Variants in TBC1D5 observed in about 807,000 individuals in gnomAD.
TBC1D5 encodes TBC1 domain family member 5, also known as TBC1 domain family, member 5.
A neutral mutation model predicts 100.3 loss-of-function variants in TBC1D5; 75 were observed. The observed-to-expected ratio is 0.75, with a 90% CI of 0.62 to 0.91. The LOEUF (loss-of-function observed/expected upper bound fraction) is 0.91. Ranked by LOEUF, TBC1D5 falls within the 40% of genes least tolerant of loss-of-function variation. The pLI is 0.00. For missense variants in TBC1D5, 910 were observed against 942.4 expected (o/e 0.97, Z 0.45); for synonymous variants, 323 against 325.6 (o/e 0.99, Z 0.09).
At chr3:17,205,930 T>A (rs2072117665) in intron 18 of TBC1D5, among the ~76,000 whole-genome samples, 1 of 152,226 alleles carries the variant, frequency 6.6e-6, no homozygotes, top group African/African-American at 2.4e-5. Context: ...ATTTCAGGAC[T>A]CTTGTTATGT....
rs548629429 is a variant in TBC1D5 at position 17,161,610 on chromosome 3, T to C, written c.2095-354A>G. Among the ~76,000 whole-genome samples, 48 of 152,394 alleles carry C rather than the reference T, an allele frequency of 3.1e-4. 1 individual carries two copies. In the South Asian group the frequency reaches 9.5e-3, roughly 30 times the overall value. ...GCAGGCAGAATCCCTACCAGCGTCA[T>C]GTGGGACCCTGCCATGCAAATCACC... On this transcript the variant is annotated intron_variant, in intron 21 of 21. Coordinates refer to ENST00000253692, the Ensembl canonical transcript of TBC1D5.
chr3:17,321,987 T>C (rs1313619891), intron 13 of TBC1D5, among the ~76,000 whole-genome samples: 5 of 152,242 alleles, frequency 3.3e-5, no homozygotes, highest in African/African-American at 4.8e-5. Context: ...TGATTTACCA[T>C]GAATTACGAG....
At chr3:17,706,149 TTGA>T in intron 1 of TBC1D5, 1 of 1,591,102 alleles carries the variant, frequency 6.3e-7, no homozygotes, top group Non-Finnish European at 8.5e-7. Flanking sequence ...AAGGCTGCAG[TTGA>T]TGGGGGAGAC....
chr3:17,430,407 A>C (rs1471155761), intron 3 of TBC1D5, among the ~76,000 whole-genome samples: 2 of 151,860 alleles, frequency 1.3e-5, no homozygotes, highest in African/African-American at 4.8e-5. Flanking sequence ...TGGCTTTATA[A>C]ACAACCAGGT....
At chr3:17,579,711 T>A (rs770249511) in intron 2 of TBC1D5, among the ~76,000 whole-genome samples, 1 of 152,114 alleles carries the variant, frequency 6.6e-6, no homozygotes, top group Non-Finnish European at 1.5e-5. Context: ...GCAAACCTTC[T>A]TATAAAGGAT....
chr3:17,415,907 T>G (rs1392438821), intron 4 of TBC1D5, among the ~76,000 whole-genome samples: 2 of 152,190 alleles, frequency 1.3e-5, no homozygotes, highest in Non-Finnish European at 2.9e-5. Context: ...GGGCTTGATA[T>G]CTAACATTCT....
intron 2 of TBC1D5, among the ~76,000 whole-genome samples, chr3:17,602,893 T>C (rs2061076860): frequency 6.6e-6 from 1 of 152,068 alleles, no homozygotes; most frequent in African/African-American, 2.4e-5. Flanking sequence ...GATTTTTTAA[T>C]GGCATTCCTC....
chr3:17,498,811 G>C (rs539171964), intron 3 of TBC1D5, among the ~76,000 whole-genome samples: 4 of 151,978 alleles, frequency 2.6e-5, no homozygotes, highest in African/African-American at 9.7e-5. Flanking sequence ...TGTAGTGTTA[G>C]TAAAATATTT....
chr3:17,684,622 A>G (rs1490177778), intron 1 of TBC1D5, among the ~76,000 whole-genome samples: 1 of 152,124 alleles, frequency 6.6e-6, no homozygotes, highest in Non-Finnish European at 1.5e-5. Context: ...AATGATCTTA[A>G]ATTTGATTAA....
At chr3:17,300,207 A>G (rs2082688787) in intron 14 of TBC1D5, among the ~76,000 whole-genome samples, 1 of 152,182 alleles carries the variant, frequency 6.6e-6, no homozygotes, top group African/African-American at 2.4e-5. Context: ...AACAACTGAC[A>G]CCATTTTATG....
chr3:17,325,159 G>A (rs1170864450), intron 13 of TBC1D5, among the ~76,000 whole-genome samples: 2 of 151,542 alleles, frequency 1.3e-5, no homozygotes, highest in Non-Finnish European at 2.9e-5. Flanking sequence ...ATGTAGATTT[G>A]TAATGGTTTT....
intron 13 of TBC1D5, among the ~76,000 whole-genome samples, chr3:17,328,073 C>A (rs2086388048): frequency 6.6e-6 from 1 of 152,004 alleles, no homozygotes; most frequent in Non-Finnish European, 1.5e-5. Context: ...AGTTTGAGAC[C>A]AGCCTGGATA....
intron 3 of TBC1D5, among the ~76,000 whole-genome samples, chr3:17,459,785 T>C (rs2095167613): frequency 6.6e-6 from 1 of 152,136 alleles, no homozygotes; most frequent in African/African-American, 2.4e-5. Flanking sequence ...TTATTCACTG[T>C]TAACAGATAA....
intron 2 of TBC1D5, among the ~76,000 whole-genome samples, chr3:17,529,633 C>T (rs2096190186): frequency 7.4e-6 from 1 of 134,586 alleles, no homozygotes; most frequent in Admixed American, 7.0e-5. Flanking sequence ...ACAAAGAAGG[C>T]ATTATTATTA....
chr3:17,548,438 T>G (rs1454716900), intron 2 of TBC1D5, among the ~76,000 whole-genome samples: 1 of 152,096 alleles, frequency 6.6e-6, no homozygotes, highest in Non-Finnish European at 1.5e-5. Flanking sequence ...TGTTTTTATC[T>G]CAAGAAAGTT....
At chr3:17,509,662 A>C (rs899588420) in intron 2 of TBC1D5, among the ~76,000 whole-genome samples, 3 of 152,022 alleles carry the variant, frequency 2.0e-5, no homozygotes, top group African/African-American at 7.2e-5. Flanking sequence ...AAGTATTAAG[A>C]GTATTAAACC....
At chr3:17,505,927 C>A (rs1332745047) in intron 3 of TBC1D5, among the ~76,000 whole-genome samples, 2 of 152,058 alleles carry the variant, frequency 1.3e-5, no homozygotes, top group African/African-American at 4.8e-5. Flanking sequence ...AAGTTTAATT[C>A]ACATGGAAAA....
intron 2 of TBC1D5, among the ~76,000 whole-genome samples, chr3:17,581,435 G>C (rs756249871): frequency 7.9e-5 from 12 of 152,060 alleles, no homozygotes; most frequent in Admixed American, 1.3e-4. Context: ...CTCTCTACCA[G>C]ATAGACATCT....
chr3:17,449,274 A>C (rs950516664), intron 3 of TBC1D5, among the ~76,000 whole-genome samples: 1 of 152,178 alleles, frequency 6.6e-6, no homozygotes, highest in Non-Finnish European at 1.5e-5. Context: ...TGTCTACACC[A>C]CCAGGGCCCC....
Sources: gnomAD v4.1 joint callset for allele counts (sites outside exome capture counted in the v4.1 genomes callset) on GRCh38, gnomAD v4.1.1 for gene constraint, MANE v1.5 for transcripts, NCBI Gene and HGNC (gene_info 2026-07-23, HGNC 2026-07-21) for gene names.